The following WWOX variants were observed in gnomAD, a reference collection of about 807,000 sequenced individuals.
WWOX encodes WW domain containing oxidoreductase, also known as WW domain-containing oxidoreductase.
In WWOX, 69 loss-of-function variants were observed where a neutral mutation model predicts 46.2. That is an observed-to-expected ratio of 1.49 (90% CI 1.23 to 1.82). The LOEUF is 1.82. WWOX is among the 40% of genes most tolerant of loss of function. WWOX has a pLI of 0.00. For synonymous variants in WWOX, 359 were observed against 202.6 expected, an observed-to-expected ratio of 1.77 and a Z score of -6.56; for missense variants, 919 against 542.6, an observed-to-expected ratio of 1.69 and a Z score of -6.89.
intron 8 of WWOX, among the ~76,000 whole-genome samples, chr16:78,457,130 C>A (rs954900349): frequency 1.3e-5 from 2 of 152,210 alleles, no homozygotes; most frequent in African/African-American, 4.8e-5. Context: ...GTAACATTCT[C>A]TCTGATCGTG....
At chr16:78,729,605 C>G (rs564080746) in intron 8 of WWOX, among the ~76,000 whole-genome samples, 1 of 152,214 alleles carries the variant, frequency 6.6e-6, no homozygotes, top group African/African-American at 2.4e-5. Context: ...TGGAAGATCT[C>G]TTCCAGGGCC....
chr16:78,509,161 G>A (rs767280132), intron 8 of WWOX, among the ~76,000 whole-genome samples: 3 of 152,224 alleles, frequency 2.0e-5, no homozygotes, highest in Admixed American at 6.5e-5. Context: ...GAAGCTTGCC[G>A]GGCATGGTGG....
intron 8 of WWOX, among the ~76,000 whole-genome samples, chr16:78,785,162 T>A (rs1048164673): frequency 1.3e-5 from 2 of 152,236 alleles, no homozygotes; most frequent in African/African-American, 4.8e-5. Flanking sequence ...CAAGTGTGAC[T>A]GGCTGTCTAA....
At chr16:78,405,032 C>T (rs1231580738) in intron 6 of WWOX, among the ~76,000 whole-genome samples, 1 of 152,126 alleles carries the variant, frequency 6.6e-6, no homozygotes, top group African/African-American at 2.4e-5. Flanking sequence ...TTACATTTCC[C>T]CCTATTTACA....
At chr16:79,041,723 T>C (rs17646139) in intron 8 of WWOX, among the ~76,000 whole-genome samples, 1 of 152,186 alleles carries the variant, frequency 6.6e-6, no homozygotes. Flanking sequence ...CTGGCAAAAC[T>C]GGACCTTTCA....
intron 5 of WWOX, among the ~76,000 whole-genome samples, chr16:78,358,595 T>G (rs8060293): frequency 6.6e-6 from 1 of 151,916 alleles, no homozygotes; most frequent in Non-Finnish European, 1.5e-5. Flanking sequence ...GAAGTGGAGT[T>G]TGCAGTGAGC....
chr16:79,084,630 G>C (rs1323058829), intron 8 of WWOX, among the ~76,000 whole-genome samples: 1 of 152,166 alleles, frequency 6.6e-6, no homozygotes, highest in Non-Finnish European at 1.5e-5. Flanking sequence ...GGTCAGACTG[G>C]TCTTGGACTC....
chr16:78,127,052 T>G (rs1448918358), intron 4 of WWOX, among the ~76,000 whole-genome samples: 5 of 152,184 alleles, frequency 3.3e-5, no homozygotes, highest in Admixed American at 2.0e-4. Flanking sequence ...TGGAAAGATG[T>G]AGGAGAGGAA....
intron 8 of WWOX, among the ~76,000 whole-genome samples, chr16:79,065,819 C>G (rs754975098): frequency 2.6e-5 from 4 of 151,748 alleles, no homozygotes; most frequent in Non-Finnish European, 4.4e-5. Flanking sequence ...GGACTGCCAG[C>G]CCGTGGGGCT....
intron 8 of WWOX, among the ~76,000 whole-genome samples, chr16:78,462,660 A>G (rs1012001225): frequency 6.6e-6 from 1 of 152,308 alleles, no homozygotes; most frequent in Non-Finnish European, 1.5e-5. Flanking sequence ...ACTGCCAAGT[A>G]GGAGTAATAG....
intron 8 of WWOX, among the ~76,000 whole-genome samples, chr16:78,524,545 C>T (rs560785642): frequency 3.3e-5 from 5 of 151,668 alleles, no homozygotes; most frequent in South Asian, 2.1e-4. Context: ...CTCAGCCTCC[C>T]GAGTAGCTGG....
chr16:79,066,162 G>A (rs2048437353), intron 8 of WWOX, among the ~76,000 whole-genome samples: 5 of 151,982 alleles, frequency 3.3e-5, no homozygotes, highest in South Asian at 2.1e-4. Context: ...TGAGTTTGCC[G>A]TCCTCTCTTC....
chr16:79,125,463 G>T (rs756943605), intron 8 of WWOX, among the ~76,000 whole-genome samples: 4 of 152,172 alleles, frequency 2.6e-5, no homozygotes, highest in Non-Finnish European at 5.9e-5. Context: ...TCTTAATTAC[G>T]CTTTCTTTCA....
At chr16:79,073,433 G>C (rs2048589796) in intron 8 of WWOX, among the ~76,000 whole-genome samples, 2 of 152,110 alleles carry the variant, frequency 1.3e-5, no homozygotes, top group South Asian at 2.1e-4. Flanking sequence ...ACCCAACTCG[G>C]CCTCCCAAAG....
At chr16:79,210,201 G>C (rs144035447) in intron 8 of WWOX, among the ~76,000 whole-genome samples, 1 of 152,142 alleles carries the variant, frequency 6.6e-6, no homozygotes, top group Admixed American at 6.5e-5. Flanking sequence ...CAACTCCATT[G>C]TTACTAGATA....
intron 8 of WWOX, among the ~76,000 whole-genome samples, chr16:78,745,640 A>G (rs1417636424): frequency 6.6e-6 from 1 of 150,688 alleles, no homozygotes; most frequent in Non-Finnish European, 1.5e-5. Flanking sequence ...TCATTGAAAC[A>G]TTAAACATTT....
intron 5 of WWOX, among the ~76,000 whole-genome samples, chr16:78,263,621 G>T (rs968574456): frequency 6.6e-6 from 1 of 151,122 alleles, no homozygotes; most frequent in Non-Finnish European, 1.5e-5. Context: ...TGTCAACAGA[G>T]AGAAAGAGAG....
intron 8 of WWOX, among the ~76,000 whole-genome samples, chr16:78,656,800 A>C (rs910978917): frequency 5.9e-5 from 9 of 152,170 alleles, no homozygotes; most frequent in Non-Finnish European, 1.3e-4. Context: ...ATCCTTAGGC[A>C]GATTGCTCTG....
intron 8 of WWOX, among the ~76,000 whole-genome samples, chr16:78,771,057 C>G (rs948840682): frequency 1.3e-5 from 2 of 152,208 alleles, no homozygotes; most frequent in African/African-American, 4.8e-5. Context: ...TGCAAAGGCC[C>G]TCAGGTCAGC....
Sources: allele counts gnomAD v4.1 joint callset (sites outside exome capture counted in the v4.1 genomes callset), GRCh38; gene constraint gnomAD v4.1.1; transcripts MANE v1.5; gene names NCBI Gene and HGNC (gene_info 2026-07-23, HGNC 2026-07-21).